The following TANC2 variants were observed in gnomAD, a reference collection of about 807,000 sequenced individuals.
TANC2 encodes the protein protein TANC2.
Under a neutral mutation model 210.5 loss-of-function variants are expected in TANC2, and 26 were observed. The observed-to-expected ratio is 0.12, with a 90% CI of 0.09 to 0.17. The LOEUF is 0.17. TANC2 is among the 10% of genes least tolerant of loss of function. The probability of loss-of-function intolerance (pLI) is 1.00; values close to 1 mark genes in which losing one functional copy is unlikely to be tolerated. For missense variants in TANC2, 2,129 were observed against 2,608.9 expected (o/e 0.82, Z 4.01); for synonymous variants, 931 against 967.1 (o/e 0.96, Z 0.69).
intron 7 of TANC2, among the ~76,000 whole-genome samples, chr17:63,204,946 G>A (rs1448839507): frequency 2.6e-5 from 4 of 151,812 alleles, no homozygotes; most frequent in East Asian, 2.0e-4. Flanking sequence ...GTAGCCAGGC[G>A]TGGTAGCAGG....
intron 9 of TANC2, among the ~76,000 whole-genome samples, chr17:63,307,132 G>A (rs919539408): frequency 4.6e-5 from 7 of 152,140 alleles, no homozygotes; most frequent in Non-Finnish European, 8.8e-5. Flanking sequence ...ATCATCTAGA[G>A]CCTTGAGCAC....
At chr17:63,230,548 T>C (rs1350844686) in intron 7 of TANC2, among the ~76,000 whole-genome samples, 2 of 152,100 alleles carry the variant, frequency 1.3e-5, no homozygotes, top group Non-Finnish European at 2.9e-5. Context: ...TACCCAGGAG[T>C]CATTCAGGAG....
chr17:63,323,875 TC>T (rs1236454347), intron 11 of TANC2, among the ~76,000 whole-genome samples: 1 of 152,176 alleles, frequency 6.6e-6, no homozygotes, highest in Non-Finnish European at 1.5e-5. Flanking sequence ...AAATAGAGGC[TC>T]TGAGGTTAAA....
intron 8 of TANC2, among the ~76,000 whole-genome samples, chr17:63,255,609 C>T (rs2043171106): frequency 6.6e-6 from 1 of 152,070 alleles, no homozygotes; most frequent in Non-Finnish European, 1.5e-5. Context: ...TATAGTTGCT[C>T]ATAGTAGTCT....
intron 9 of TANC2, among the ~76,000 whole-genome samples, chr17:63,289,943 T>TC (rs144797286): frequency 0.076 from 11,532 of 151,834 alleles, 1,381 homozygotes; most frequent in African/African-American, 0.26. Context: ...TTGTTTTCCT[T>TC]CCCCCCCTTC....
At chr17:63,394,258 C>G (rs1198951188) in intron 17 of TANC2, among the ~76,000 whole-genome samples, 7 of 152,196 alleles carry the variant, frequency 4.6e-5, no homozygotes, top group Non-Finnish European at 1.5e-5. Flanking sequence ...AGCCTGAAAT[C>G]CATTACCATT....
intron 1 of TANC2, among the ~76,000 whole-genome samples, chr17:62,977,387 A>T (rs549975237): frequency 1.3e-5 from 2 of 152,358 alleles, no homozygotes; most frequent in Non-Finnish European, 2.9e-5. Context: ...AGAATAGTTC[A>T]TCCTGAAGAC....
intron 2 of TANC2, among the ~76,000 whole-genome samples, chr17:63,072,374 C>T (rs1568362304): frequency 6.6e-6 from 1 of 151,896 alleles, no homozygotes; most frequent in Non-Finnish European, 1.5e-5. Flanking sequence ...GGCAGATCAG[C>T]CATTCAGAGA....
At chr17:63,240,285 A>G (rs2042739415) in intron 8 of TANC2, among the ~76,000 whole-genome samples, 1 of 152,212 alleles carries the variant, frequency 6.6e-6, no homozygotes, top group South Asian at 2.1e-4. Context: ...CACTTAGTAG[A>G]AGACAAAGAA....
At chr17:63,270,575 T>C (rs1414621591) in intron 9 of TANC2, among the ~76,000 whole-genome samples, 2 of 152,298 alleles carry the variant, frequency 1.3e-5, no homozygotes, top group East Asian at 3.9e-4. Context: ...TTGAAAATCT[T>C]TTTTAGTCTG....
chr17:63,388,698 A>G lies in TANC2; in HGVS notation c.2755A>G (p.Thr919Ala), dbSNP rs376827865. 2.3e-5 allele frequency: 37 copies of G among 1,603,530 alleles called. No homozygotes were observed. Among genetic ancestry groups the G allele is most frequent in the Non-Finnish European group, 1.5e-5 (18 of 1,174,554 alleles). Residue 919 changes from threonine (T) to alanine (A), a missense_variant, in exon 16 of 28, where the codon ACA (threonine) becomes GCA (alanine). Physicochemically the swap from Thr to Ala is moderately conservative, Grantham distance 58. Transcript: ENST00000689528. The stretch of plus-strand genomic sequence containing the variant: ...CCAAGGTCTCTGGATCTCTTATAGC[A>G]CAGAAGGTCTTTCCATGGCACTGGC...
At chr17:63,300,066 C>T (rs965011385) in intron 9 of TANC2, among the ~76,000 whole-genome samples, 2 of 152,030 alleles carry the variant, frequency 1.3e-5, no homozygotes, top group South Asian at 4.2e-4. Context: ...TTATTTTTGT[C>T]AGGTTTGTCA....
rs770181673 is a variant in TANC2 at position 63,412,089 on chromosome 17, C to A, written c.3857C>A (p.Thr1286Asn). The A allele has an allele frequency of 6.2e-7, 1 of 1,613,970 alleles. No homozygotes were observed. Among genetic ancestry groups the A allele is most frequent in the South Asian group, 1.1e-5 (1 of 91,082 alleles). Residue 1286 changes from threonine to asparagine, a missense_variant, in exon 23 of 28, where the codon ACT becomes AAT. Transcript: ENST00000689528. This position sits in a 1 kb window ranked among gnomAD's most constrained non-coding sequence, Gnocchi z 4.2. ...GATAGGGCAGTGGGGTGCCGGAACA[C>A]TTCTGTTGTTGTCACTCTTCTGAAG...
intron 8 of TANC2, among the ~76,000 whole-genome samples, chr17:63,250,954 G>A (rs1248096810): frequency 6.6e-6 from 1 of 152,154 alleles, no homozygotes; most frequent in East Asian, 1.9e-4. Context: ...AGTGATATCT[G>A]TTAAGCATTA....
intron 7 of TANC2, among the ~76,000 whole-genome samples, chr17:63,215,010 A>G (rs561890137): frequency 2.0e-5 from 3 of 152,230 alleles, no homozygotes; most frequent in Non-Finnish European, 4.4e-5. Flanking sequence ...TTGCTGCTCC[A>G]TGTAGTCCTA....
At chr17:63,123,333 G>A (rs990528665) in intron 4 of TANC2, among the ~76,000 whole-genome samples, 13 of 152,042 alleles carry the variant, frequency 8.6e-5, no homozygotes, top group African/African-American at 2.9e-4. Context: ...TGAGGCGGGC[G>A]GATCACAAGG....
At chr17:63,237,974 C>T (rs1390221487) in exon 8 of TANC2, 1 of 1,585,232 alleles carries the variant, frequency 6.3e-7, no homozygotes, top group Admixed American at 1.8e-5. Context: ...CTGCTTCCAC[C>T]TATAGTCTGA....
chr17:63,411,215 G>A (rs1358192673), intron 21 of TANC2, among the ~76,000 whole-genome samples: 4 of 152,116 alleles, frequency 2.6e-5, no homozygotes, highest in Non-Finnish European at 4.4e-5. Context: ...ACATCCATTT[G>A]GCCAAAGTGG....
At chr17:63,346,051 G>C (rs1326852816) in intron 12 of TANC2, among the ~76,000 whole-genome samples, 1 of 152,096 alleles carries the variant, frequency 6.6e-6, no homozygotes, top group African/African-American at 2.4e-5. Context: ...GATGGTACTG[G>C]AACAACTAGA....
Sources: allele counts gnomAD v4.1 joint callset (sites outside exome capture counted in the v4.1 genomes callset), GRCh38; gene constraint gnomAD v4.1.1; non-coding constraint Gnocchi (gnomAD v3.1); transcripts MANE v1.5; gene names NCBI Gene and HGNC (gene_info 2026-07-23, HGNC 2026-07-21).